The following HPSE2 variants were observed in gnomAD, a reference collection of about 807,000 sequenced individuals.
HPSE2 encodes heparanase 2 (inactive), also known as inactive heparanase-2.
A neutral mutation model predicts 60.5 loss-of-function variants in HPSE2; 38 were observed. That is an observed-to-expected ratio of 0.63 (90% CI 0.48 to 0.82). The LOEUF (loss-of-function observed/expected upper bound fraction) is 0.82, where lower values mean the gene tolerates loss of function less well. Ranked by LOEUF, HPSE2 falls within the 40% of genes least tolerant of loss-of-function variation. The pLI is 0.00. For missense variants in HPSE2, 713 were observed against 740.4 expected (o/e 0.96, Z 0.43); for synonymous variants, 295 against 293.2 (o/e 1.01, Z -0.06).
At chr10:98,955,131 A>T (rs947421904) in intron 3 of HPSE2, among the ~76,000 whole-genome samples, 3 of 151,942 alleles carry the variant, frequency 2.0e-5, no homozygotes, top group Non-Finnish European at 4.4e-5. Flanking sequence ...AGGAATTTTA[A>T]CCTATGGATT....
At chr10:98,722,959 C>A (rs1948967012) in intron 4 of HPSE2, among the ~76,000 whole-genome samples, 1 of 152,118 alleles carries the variant, frequency 6.6e-6, no homozygotes, top group African/African-American at 2.4e-5. Context: ...CCTTTATTTC[C>A]TTCTCCTGCC....
chr10:98,979,172 CA>C (rs1296504173), intron 3 of HPSE2, among the ~76,000 whole-genome samples: 1 of 152,050 alleles, frequency 6.6e-6, no homozygotes, highest in African/African-American at 2.4e-5. Flanking sequence ...AAACCTCCTT[CA>C]GGCACCAGCT....
At chr10:99,012,776 T>C (rs1260242123) in intron 3 of HPSE2, among the ~76,000 whole-genome samples, 1 of 152,192 alleles carries the variant, frequency 6.6e-6, no homozygotes, top group Non-Finnish European at 1.5e-5. Flanking sequence ...GGGAGGGTTA[T>C]ACTGATAATA....
At chr10:99,278,623 C>A in the HPSE2 span, among the ~76,000 whole-genome samples, 1 of 152,104 alleles carries the variant, frequency 6.6e-6, no homozygotes, top group East Asian at 1.9e-4. Context: ...TTCTGTTTAT[C>A]AGGATGAAAA....
chr10:98,964,764 A>G (rs1481032332), intron 3 of HPSE2, among the ~76,000 whole-genome samples: 2 of 152,206 alleles, frequency 1.3e-5, no homozygotes, highest in Non-Finnish European at 2.9e-5. Context: ...TTCTAGTCAT[A>G]TCTTCTTAAC....
chr10:98,581,041 A>G (rs1401771390), intron 9 of HPSE2, among the ~76,000 whole-genome samples: 1 of 151,248 alleles, frequency 6.6e-6, no homozygotes. Context: ...CCTGGGTTCA[A>G]GTGATTTTCT....
chr10:99,134,762 A>C (rs931571241), intron 3 of HPSE2, among the ~76,000 whole-genome samples: 1 of 152,222 alleles, frequency 6.6e-6, no homozygotes, highest in African/African-American at 2.4e-5. Flanking sequence ...GCCACGGCAA[A>C]AACATACCAA....
intron 3 of HPSE2, among the ~76,000 whole-genome samples, chr10:99,067,821 C>A (rs199814070): frequency 6.6e-6 from 1 of 152,364 alleles, no homozygotes; most frequent in East Asian, 1.9e-4. Context: ...ATGCAAATTT[C>A]TGCAGCAGGC....
chr10:99,305,966 C>CAA, the HPSE2 span, among the ~76,000 whole-genome samples: 2 of 100,890 alleles, frequency 2.0e-5, no homozygotes, highest in African/African-American at 7.5e-5. Context: ...CACACACGCG[C>CAA]GCGCGCGCGC....
chr10:99,144,482 A>T, intron 2 of HPSE2, 83 bp from the exon 3 acceptor site: 2 of 1,500,466 alleles, frequency 1.3e-6, no homozygotes, highest in Middle Eastern at 3.5e-4. Context: ...TGTTTCACCC[A>T]AAATGACAGA....
At chr10:98,600,941 A>ATATATATATATG (rs1945406502) in intron 9 of HPSE2, among the ~76,000 whole-genome samples, 1 of 27,706 alleles carries the variant, frequency 3.6e-5, no homozygotes, top group Non-Finnish European at 1.4e-4. Flanking sequence ...ATATATATAT[A>ATATATATATATG]GAAAGAGAGA....
chr10:99,244,568 A>ATTTTTT, the HPSE2 span, among the ~76,000 whole-genome samples: 3 of 73,716 alleles, frequency 4.1e-5, no homozygotes, highest in Admixed American at 2.1e-4. Flanking sequence ...CTATGCCTGG[A>ATTTTTT]TTTTTTTTTT....
At chr10:98,822,660 T>C (rs923754239) in intron 3 of HPSE2, among the ~76,000 whole-genome samples, 1 of 152,046 alleles carries the variant, frequency 6.6e-6, no homozygotes. Context: ...ACCCATAATA[T>C]GTTACTGAAA....
chr10:98,679,638 C>G (rs569703263), intron 6 of HPSE2, among the ~76,000 whole-genome samples: 44 of 152,072 alleles, frequency 2.9e-4, no homozygotes, highest in African/African-American at 1.0e-3. Context: ...TTTTGAAGTC[C>G]TAATGTTTTT....
chr10:98,532,436 C>T (rs778004877), intron 9 of HPSE2, among the ~76,000 whole-genome samples: 6 of 152,168 alleles, frequency 3.9e-5, no homozygotes, highest in Non-Finnish European at 7.3e-5. Context: ...ATACCTTAAG[C>T]ACCCTTTGCC....
At chr10:98,673,553 G>C (rs181672835) in intron 6 of HPSE2, among the ~76,000 whole-genome samples, 1 of 152,048 alleles carries the variant, frequency 6.6e-6, no homozygotes, top group Non-Finnish European at 1.5e-5. Flanking sequence ...AGAGAGCAGG[G>C]GAGCATGTGA....
At chr10:99,305,961 ACGCGCGC>A in the HPSE2 span, among the ~76,000 whole-genome samples, 3 of 103,068 alleles carry the variant, frequency 2.9e-5, no homozygotes, top group East Asian at 6.1e-4. Flanking sequence ...ACTCACACAC[ACGCGCGC>A]GCGCGCGCGC....
intron 6 of HPSE2, among the ~76,000 whole-genome samples, chr10:98,669,991 G>A (rs1020480495): frequency 2.0e-5 from 3 of 152,216 alleles, no homozygotes; most frequent in African/African-American, 7.2e-5. Context: ...CATTGGGGCA[G>A]AGTCCTGAAA....
At chr10:99,038,220 C>T (rs1957653852) in intron 3 of HPSE2, among the ~76,000 whole-genome samples, 1 of 152,106 alleles carries the variant, frequency 6.6e-6, no homozygotes, top group Admixed American at 6.5e-5. Context: ...ACAACATGCA[C>T]ACAATTGCTC....
Sources: gnomAD v4.1 joint callset for allele counts (sites outside exome capture counted in the v4.1 genomes callset) on GRCh38, gnomAD v4.1.1 for gene constraint, MANE v1.5 for transcripts, NCBI Gene and HGNC (gene_info 2026-07-23, HGNC 2026-07-21) for gene names.